The following SPINT2 variants were observed in gnomAD, a reference collection of about 807,000 sequenced individuals.
The protein encoded by SPINT2 is kunitz-type protease inhibitor 2.
A neutral mutation model predicts 30.1 loss-of-function variants in SPINT2; 18 were observed. The observed-to-expected ratio is 0.60, with a 90% CI of 0.41 to 0.89. The LOEUF (loss-of-function observed/expected upper bound fraction) is 0.89, where lower values mean the gene tolerates loss of function less well. SPINT2 is among the 40% of genes least tolerant of loss of function. The pLI is 0.00. For missense variants in SPINT2, 276 were observed against 334.3 expected (o/e 0.83, Z 1.36); for synonymous variants, 139 against 137.9 (o/e 1.01, Z -0.05).
intron 3 of SPINT2, 98 bp downstream of exon 3, chr19:38,288,033 A>C (rs2146277963): frequency 9.0e-4 from 1,284 of 1,424,450 alleles, no homozygotes; most frequent in Non-Finnish European, 1.2e-3. Flanking sequence ...CTTCCCTCTC[A>C]TGGTTCTGTT....
At chr19:38,277,338 C>G (rs550633908) in intron 1 of SPINT2, among the ~76,000 whole-genome samples, 19 of 152,112 alleles carry the variant, frequency 1.2e-4, no homozygotes, top group Admixed American at 6.6e-4. Context: ...CTCTGCCTCC[C>G]GGTACAGGTG....
chr19:38,292,194 C>T lies in SPINT2; in HGVS notation c.*188C>T, dbSNP rs1968730451. On this transcript the variant is annotated 3_prime_UTR_variant, in exon 7 of 7. Coordinates refer to ENST00000301244, the MANE Select transcript of SPINT2 (RefSeq NM_021102.4). Reference sequence around the variant, plus strand: ...GGAAATCCTCTAGGAGGCTCCTCCTCGCATGGCCTGCAGTCTGGCAGCAGC... The same window carrying T: ...GGAAATCCTCTAGGAGGCTCCTCCTTGCATGGCCTGCAGTCTGGCAGCAGC... 8.3e-6 allele frequency: 6 copies of T among 719,544 alleles called. No homozygotes were observed. The highest frequency in any genetic ancestry group is 2.8e-5 in the East Asian group (1 of 35,504). 44.6% of individuals were successfully genotyped at this position (719,544 alleles called of 1,614,324 possible).
At chr19:38,268,343 G>T (rs753058185) in intron 1 of SPINT2, among the ~76,000 whole-genome samples, 2 of 152,150 alleles carry the variant, frequency 1.3e-5, no homozygotes. Context: ...GACAGTTACC[G>T]TCTGGAGTGG....
At chr19:38,281,107 G>A (rs1003760598) in intron 1 of SPINT2, among the ~76,000 whole-genome samples, 1 of 152,224 alleles carries the variant, frequency 6.6e-6, no homozygotes, top group East Asian at 1.9e-4. Flanking sequence ...TGCTCCCAGC[G>A]TTGGGGTGGG....
chr19:38,283,746 A>G lies in SPINT2; in HGVS notation c.226A>G (p.Asn76Asp), dbSNP rs1968607740. ...GTATGGGGGCTGTGACGGAAACAGCAATAATTACCTGACCAAGGAGGAGTG... is the reference window on the plus strand; with the variant it reads ...GTATGGGGGCTGTGACGGAAACAGCGATAATTACCTGACCAAGGAGGAGTG... ...FVYGGCDGNS[N>D]NYLTKEECLK... Residue 76 changes from asparagine (N) to aspartate (D), a missense_variant, in exon 2 of 7, where the codon AAT becomes GAT. Transcript: ENST00000301244. The G allele has an allele frequency of 6.2e-7, 1 of 1,613,788 alleles. No homozygotes were observed. The highest frequency in any genetic ancestry group is 2.2e-5 in the East Asian group (1 of 44,878).
chr19:38,287,812 A>C (rs575926248), intron 2 of SPINT2, 64 bp from the exon 3 acceptor site: 1 of 1,578,550 alleles, frequency 6.3e-7, no homozygotes, highest in Non-Finnish European at 8.7e-7. Context: ...GGGCCAGCTC[A>C]TTCTTTGTCC....
chr19:38,273,592 GTGTTGCTTCATTTGTTTTGGTATT>G (rs1201961760), intron 1 of SPINT2, among the ~76,000 whole-genome samples: 1 of 152,224 alleles, frequency 6.6e-6, no homozygotes, highest in African/African-American at 2.4e-5. Context: ...TGGAGGGTTT[GTGTTGCTTCATTTGTTTTGGTATT>G]TGTTTTTTCC....
At chr19:38,279,986 A>C (rs553664422) in intron 1 of SPINT2, among the ~76,000 whole-genome samples, 1 of 152,216 alleles carries the variant, frequency 6.6e-6, no homozygotes, top group East Asian at 1.9e-4. Context: ...TCCTGGGACA[A>C]CAGTGAAGTT....
intron 1 of SPINT2, among the ~76,000 whole-genome samples, chr19:38,275,408 T>C (rs1968504544): frequency 6.6e-6 from 1 of 152,010 alleles, no homozygotes; most frequent in African/African-American, 2.4e-5. Context: ...CACTGCAACC[T>C]CCGCCTCCTG....
At chr19:38,279,194 A>C (rs1408182757) in intron 1 of SPINT2, among the ~76,000 whole-genome samples, 2 of 147,824 alleles carry the variant, frequency 1.4e-5, no homozygotes, top group African/African-American at 4.9e-5. Context: ...AATTTGAGTA[A>C]AAAAAAAAAA....
In SPINT2 at chr19:38,290,764, G is replaced by A; in HGVS notation, c.592+189G>A. On this transcript the variant is annotated intron_variant, in intron 6 of 6. Transcript: ENST00000301244. The surrounding 1 kb of genome is among the most constrained non-coding windows in gnomAD (Gnocchi z 4.3). Reference sequence around the variant, plus strand: ...CCGTTCAGTGTACACAGTTGGGGCTGGAGTGAGTCAGTCACAAGGCAGGCC... The same window carrying A: ...CCGTTCAGTGTACACAGTTGGGGCTAGAGTGAGTCAGTCACAAGGCAGGCC... 2 of 822,558 alleles carry A rather than the reference G, an allele frequency of 2.4e-6. No individual in the cohort carries two copies. Among genetic ancestry groups the A allele is most frequent in the Non-Finnish European group, 3.9e-6 (2 of 512,226 alleles). The allele number at this position is 822,558 out of a possible 1,614,324, so 51.0% of individuals were successfully genotyped here. A position where few individuals can be genotyped will look rare whatever the true frequency, so the allele number is the denominator to read the frequency against.
At chr19:38,284,196 A>G (rs1968615709) in intron 2 of SPINT2, among the ~76,000 whole-genome samples, 1 of 150,748 alleles carries the variant, frequency 6.6e-6, no homozygotes, top group Non-Finnish European at 1.5e-5. Context: ...GGGCTCAAGC[A>G]GAACCTCCCA....
At chr19:38,285,909 T>G (rs1968635270) in intron 2 of SPINT2, among the ~76,000 whole-genome samples, 1 of 152,130 alleles carries the variant, frequency 6.6e-6, no homozygotes, top group African/African-American at 2.4e-5. Flanking sequence ...ATCCTGGCTG[T>G]TTGTTACCTC....
chr19:38,289,608 G>A (rs1175904610), intron 4 of SPINT2: 9 of 245,088 alleles, frequency 3.7e-5, no homozygotes, highest in Non-Finnish European at 7.2e-5. Context: ...GTAGAGCAGG[G>A]CTCTCCCCTC....
intron 3 of SPINT2, chr19:38,288,287 G>A: frequency 2.5e-6 from 1 of 403,346 alleles, no homozygotes; most frequent in Non-Finnish European, 4.7e-6. Context: ...CCACCCTCCT[G>A]TCTGCCTGTT....
chr19:38,264,956 C>A lies in SPINT2; in HGVS notation c.64C>A (p.Leu22Ile). ...TCTCGCCCTGCTGGGATCGCTGCTC[C>A]TCTCTGGGGTCCTGGCGGCCGACCG... ...AFLALLGSLL[L>I]SGVLAADRER... The change falls in exon 1 of 7, where the codon CTC (leucine) becomes ATC (isoleucine). Residue 22 changes from leucine (L) to isoleucine (I), a missense_variant. Transcript: ENST00000301244. The A allele has an allele frequency of 6.5e-7, 1 of 1,536,280 alleles. No individual in the cohort carries two copies. The highest frequency in any genetic ancestry group is 1.2e-5 in the South Asian group (1 of 83,882).
intron 3 of SPINT2, chr19:38,288,815 C>T (rs1361593828): frequency 3.0e-6 from 1 of 335,684 alleles, no homozygotes; most frequent in Non-Finnish European, 5.8e-6. Flanking sequence ...TGGTTTCCAT[C>T]TTGTTGGAGA....
chr19:38,266,998 C>G (rs1230556035), intron 1 of SPINT2, among the ~76,000 whole-genome samples: 1 of 152,180 alleles, frequency 6.6e-6, no homozygotes, highest in Non-Finnish European at 1.5e-5. Context: ...TTACTCTGAG[C>G]TGGGATGTGC....
At chr19:38,265,738 C>T (rs1447043529) in intron 1 of SPINT2, 2 of 152,366 alleles carry the variant, frequency 1.3e-5, no homozygotes, top group Non-Finnish European at 2.9e-5. Context: ...CAGACAAGCA[C>T]CAGCGTGTTT....
Sources: allele counts gnomAD v4.1 joint callset (sites outside exome capture counted in the v4.1 genomes callset), GRCh38; gene constraint gnomAD v4.1.1; non-coding constraint Gnocchi (gnomAD v3.1); transcripts MANE v1.5; gene names NCBI Gene and HGNC (gene_info 2026-07-23, HGNC 2026-07-21).